URB1: variants seen among roughly 807,000 people sequenced by gnomAD.
The protein encoded by URB1 is nucleolar pre-ribosomal-associated protein 1.
In URB1, 197 loss-of-function variants were observed where a neutral mutation model predicts 242.3. The ratio of observed to expected loss-of-function variants is 0.81; its 90% confidence interval spans 0.72 to 0.91. URB1 has a LOEUF of 0.91. URB1 is among the 40% of genes least tolerant of loss of function. URB1 has a pLI of 0.00. For missense variants in URB1, 2,721 were observed against 2,860.5 expected (o/e 0.95, Z 1.11); for synonymous variants, 1,153 against 1,201.8 (o/e 0.96, Z 0.84).
At chr21:32,319,110 G>T in intron 36 of URB1, 107 bp downstream of exon 36, 1 of 1,153,908 alleles carries the variant, frequency 8.7e-7, no homozygotes, top group Non-Finnish European at 1.2e-6. Context: ...TCACGGCCCA[G>T]CGTCCCCCTG....
intron 36 of URB1, 148 bp from the exon 37 acceptor site, chr21:32,318,065 T>C: frequency 1.8e-6 from 2 of 1,112,652 alleles, no homozygotes; most frequent in Non-Finnish European, 2.5e-6. Context: ...ACATCTAGCA[T>C]GGGCCCCCAG....
At position 32,354,877 on chromosome 21, in the gene URB1, G is replaced by T; in HGVS notation, c.2227C>A (p.Pro743Thr). ...TKQEADDMSI[P>T]ISHIDDVLDM... The stretch of plus-strand genomic sequence containing the variant: ...AACATACCGTCAATGTGGGAGATGG[G>T]AATGCTCATGTCATCGGCTTCTTGC... The change falls in exon 17 of 39, where the codon CCC (proline) becomes ACC (threonine). Residue 743 changes from proline (P) to threonine (T), a missense_variant. By Grantham distance (38) the Pro-to-Thr change is conservative (BLOSUM62 -1). Coordinates refer to ENST00000382751, the MANE Select transcript of URB1 (RefSeq NM_014825.3). 6.4e-7 allele frequency: 1 copy of T among 1,552,354 alleles called. No individual in the cohort carries two copies. Among genetic ancestry groups the T allele is most frequent in the Non-Finnish European group, 8.7e-7 (1 of 1,147,130 alleles).
At chr21:32,322,021 T>C (rs2032773487) in intron 33 of URB1, 77 bp from the exon 34 acceptor site, 2 of 1,497,686 alleles carry the variant, frequency 1.3e-6, no homozygotes, top group Non-Finnish European at 1.8e-6. Context: ...AACACCACTA[T>C]TTTAAGTGGT....
Position 32,358,891 on chromosome 21 carries a change from C to T in URB1, c.1869+905G>A, listed in dbSNP as rs557782121. On this transcript the variant is annotated intron_variant, in intron 14 of 38. Coordinates refer to ENST00000382751, the MANE Select transcript of URB1 (RefSeq NM_014825.3). ...GACAGGACCCTGCAGAAGGTTCTGA[C>T]ACACTGTGCCCAGCTGCCTTGTCTT... 2.0e-5 allele frequency among the ~76,000 whole-genome samples: 3 copies of T among 152,286 alleles called. No homozygotes were observed. In the South Asian group the frequency reaches 6.2e-4, roughly 32 times the overall value.
rs1404005613 is a variant in URB1 at position 32,338,721 on chromosome 21, T to C, written c.4496A>G (p.Asp1499Gly). 6 of 1,551,348 alleles carry C rather than the reference T, an allele frequency of 3.9e-6. No individual in the cohort carries two copies. The highest frequency in any genetic ancestry group is 4.4e-6 in the Non-Finnish European group (5 of 1,146,934). Residue 1499 changes from aspartate (D) to glycine (G), a missense_variant, in exon 26 of 39, where the codon GAC becomes GGC. Transcript: ENST00000382751. ...LLTSDGEESPDSQVKEALVDL... is the reference protein window; with the variant it reads ...LLTSDGEESPGSQVKEALVDL... ...TGAGGGGTCACCTTTTACTTGGCTG[T>C]CCGGGCTCTCCTCTCCGTCAGACGT...
At position 32,314,396 on chromosome 21, in the gene URB1, G is replaced by A; in HGVS notation, c.*522C>T. On this transcript the variant is annotated 3_prime_UTR_variant, in exon 39 of 39. Transcript: ENST00000382751. Reference sequence around the variant, plus strand: ...GATGGGGTTTCACCATGTTGGGAAGGCTGGTTTCGAACTCCTGACCTCAGG... The same window carrying A: ...GATGGGGTTTCACCATGTTGGGAAGACTGGTTTCGAACTCCTGACCTCAGG... 3.1e-6 allele frequency: 2 copies of A among 641,480 alleles called. No individual in the cohort carries two copies. The highest frequency in any genetic ancestry group is 2.9e-6 in the Non-Finnish European group (1 of 347,168). 39.7% of individuals were successfully genotyped at this position (641,480 alleles called of 1,614,324 possible). A position where few individuals can be genotyped will look rare whatever the true frequency, so the allele number is the denominator to read the frequency against.
At position 32,352,778 on chromosome 21, in the gene URB1, A is replaced by G; in HGVS notation, c.2545T>C (p.Cys849Arg). ...CTGTTAAACCGTGAGAGCTGCTGGC[A>G]GCAAGGCACCAGGCATGGAGGCTCA... ...KLEPPCLVPC[C>R]QQLSRFNRYY... The change falls in exon 19 of 39, where the codon TGC becomes CGC. Residue 849 changes from cysteine (C) to arginine (R), a missense_variant. Transcript: ENST00000382751. The G allele has an allele frequency of 6.4e-7, 1 of 1,551,732 alleles. No homozygotes were observed. The highest frequency in any genetic ancestry group is 8.7e-7 in the Non-Finnish European group (1 of 1,146,994).
intron 16 of URB1, 105 bp downstream of exon 16, chr21:32,355,344 C>T (rs1601142033): frequency 3.1e-5 from 31 of 1,005,610 alleles, no homozygotes; most frequent in East Asian, 2.9e-4. Flanking sequence ...TAAGCCAGGA[C>T]GAGAAGCCTT....
chr21:32,342,761 A>G (rs183524874), intron 24 of URB1, among the ~76,000 whole-genome samples: 59 of 152,216 alleles, frequency 3.9e-4, no homozygotes, highest in African/African-American at 1.1e-3. Context: ...GGCTCATCAC[A>G]TTTTTATATA....
At position 32,385,613 on chromosome 21, in the gene URB1, T is replaced by C. The variant is rs980114514; in HGVS notation, c.214A>G (p.Ile72Val). Residue 72 changes from isoleucine to valine, a missense_variant, in exon 2 of 39, where the codon ATA (isoleucine) becomes GTA (valine). Ile to Val is a conservative substitution (Grantham distance 29). Transcript: ENST00000382751. ...EDVYDVVEGY[I>V]KISVECVEIF... ...TCGACACACTCAACAGAAATCTTTA[T>C]ATACCCTTCCACAACATCATACACA... 2 of 1,551,924 alleles carry C rather than the reference T, an allele frequency of 1.3e-6. No individual in the cohort carries two copies. Among genetic ancestry groups the C allele is most frequent in the South Asian group, 1.2e-5 (1 of 84,056 alleles).
intron 5 of URB1, among the ~76,000 whole-genome samples, chr21:32,378,204 C>T (rs1475417124): frequency 3.3e-5 from 5 of 152,214 alleles, no homozygotes; most frequent in African/African-American, 1.2e-4. Context: ...TCTGTGACGG[C>T]ATTGTTCAGC....
rs1261376901 is a variant in URB1, at chr21:32,312,009, G to A, written c.*2909C>T. On this transcript the variant is annotated 3_prime_UTR_variant, in exon 39 of 39. Transcript: ENST00000382751. ...ATTGCAGAGCTGATGTCAGTAAATCGTGGCCATAGCTGAGTGAACTGGTGA... is the reference window on the plus strand; with the variant it reads ...ATTGCAGAGCTGATGTCAGTAAATCATGGCCATAGCTGAGTGAACTGGTGA... The A allele has an allele frequency of 3.7e-6, 6 of 1,612,766 alleles. No homozygotes were observed. Among genetic ancestry groups the A allele is most frequent in the African/African-American group, 1.3e-5 (1 of 74,932 alleles).
At chr21:32,381,799 G>A (rs2033530007) in intron 4 of URB1, among the ~76,000 whole-genome samples, 1 of 152,156 alleles carries the variant, frequency 6.6e-6, no homozygotes. Flanking sequence ...ATAATCGACT[G>A]CCCCAGAGGA....
chr21:32,349,433 G>A lies in URB1; in HGVS notation c.2883C>T (p.Leu961=). ...PPLLQLFLDL[L]RRLVVHCEQL... is the part of the protein sequence containing the mutation. ...GCTCACAGTGGACAACCAGGCGCCTGAGGAGATCCAGGAAGAGCTGCAGGA... is the reference window on the plus strand; with the variant it reads ...GCTCACAGTGGACAACCAGGCGCCTAAGGAGATCCAGGAAGAGCTGCAGGA... The change falls in exon 21 of 39, where the codon CTC becomes CTT. Residue 961 remains leucine, a synonymous_variant. Coordinates refer to ENST00000382751, the MANE Select transcript of URB1 (RefSeq NM_014825.3). 1 of 1,551,398 alleles carries A rather than the reference G, an allele frequency of 6.4e-7. No individual in the cohort carries two copies. Among genetic ancestry groups the A allele is most frequent in the East Asian group, 2.4e-5 (1 of 40,894 alleles).
chr21:32,329,866 G>C (rs570242720), intron 30 of URB1, among the ~76,000 whole-genome samples: 10 of 152,290 alleles, frequency 6.6e-5, no homozygotes, highest in African/African-American at 2.4e-4. Context: ...ATGTAACATG[G>C]GATAGATGCA....
At position 32,316,521 on chromosome 21, in the gene URB1, C is replaced by G. The variant is rs755734830; in HGVS notation, c.6579G>C (p.Pro2193=). ...AQGRAGSPFH[P]AMEALSLSSL... ...AAGACAGGGAGAGGGCTTCCATGGC[C>G]GGGTGGAAGGGGCTCCCTGCCCGGC... The change falls in exon 38 of 39, where the codon CCG becomes CCC. Residue 2193 remains proline, a synonymous_variant. Transcript: ENST00000382751. The G allele has an allele frequency of 6.5e-7, 1 of 1,548,678 alleles. No homozygotes were observed. The highest frequency in any genetic ancestry group is 2.4e-5 in the East Asian group (1 of 40,918).
chr21:32,383,579 G>C lies in URB1; in HGVS notation c.435-25C>G, dbSNP rs142562651. ...CCTGCACAGGGAACCAGAGGAAATC[G>C]GACACGTCAACAACAGCAGAAGCAC... is the stretch of plus-strand genomic sequence containing the variant. On this transcript the variant is annotated intron_variant, in intron 3 of 38. Transcript: ENST00000382751. The C allele has an allele frequency of 9.1e-6, 14 of 1,545,314 alleles. No individual in the cohort carries two copies. The Admixed American group carries it at 2.8e-4, about 31-fold the overall frequency.
intron 6 of URB1, among the ~76,000 whole-genome samples, chr21:32,374,435 C>T (rs761261940): frequency 1.3e-5 from 2 of 152,158 alleles, no homozygotes; most frequent in East Asian, 1.9e-4. Context: ...AACAACCATA[C>T]GTCACGGTCC....
At chr21:32,380,467 G>A (rs763141579) in intron 4 of URB1, among the ~76,000 whole-genome samples, 15 of 152,190 alleles carry the variant, frequency 9.9e-5, no homozygotes, top group African/African-American at 1.4e-4. Context: ...CACTGGTGCT[G>A]AGAATGTGCA....
Sources: gnomAD v4.1 joint callset for allele counts (sites outside exome capture counted in the v4.1 genomes callset) on GRCh38, gnomAD v4.1.1 for gene constraint, MANE v1.5 for transcripts, NCBI Gene and HGNC (gene_info 2026-07-23, HGNC 2026-07-21) for gene names.